SHROOM4: variants seen among roughly 807,000 people sequenced by gnomAD.
The protein encoded by SHROOM4 is protein Shroom4.
In SHROOM4, 17 loss-of-function variants were observed where a neutral mutation model predicts 80.3. That is an observed-to-expected ratio of 0.21 (90% confidence interval 0.14 to 0.32). SHROOM4 has a LOEUF of 0.32. Among genes scored for constraint, SHROOM4 ranks in the 10% least tolerant of loss-of-function variants. The pLI is 1.00. For missense variants in SHROOM4, 993 were observed against 1,140.3 expected (o/e 0.87, Z 1.86); for synonymous variants, 400 against 437.5 (o/e 0.91, Z 1.07).
At chrX:50,665,178 C>T (rs1233048205) in intron 2 of SHROOM4, among the ~76,000 whole-genome samples, 3 of 110,864 alleles carry the variant, frequency 2.7e-5, no homozygotes, top group Non-Finnish European at 5.7e-5. Flanking sequence ...AATGTCTTAA[C>T]GTTAGGAGCC....
At chrX:50,743,632 A>T (rs1934714280) in intron 1 of SHROOM4, among the ~76,000 whole-genome samples, 1 of 109,241 alleles carries the variant, frequency 9.2e-6, no homozygotes, top group South Asian at 4.1e-4. Context: ...TAATTTTAAA[A>T]TTTTTTGTAG....
At chrX:50,576,130 G>A in the SHROOM4 span, among the ~76,000 whole-genome samples, 2 of 111,598 alleles carry the variant, frequency 1.8e-5, no homozygotes, top group Non-Finnish European at 3.8e-5. Context: ...GGGCCATTGG[G>A]TGTCTCTAGG....
intron 1 of SHROOM4, among the ~76,000 whole-genome samples, chrX:50,769,044 C>T (rs1303148249): frequency 9.0e-6 from 1 of 110,970 alleles, no homozygotes; most frequent in Non-Finnish European, 1.9e-5. Context: ...TGAGCAGATC[C>T]GAAGGAAATG....
intron 1 of SHROOM4, among the ~76,000 whole-genome samples, chrX:50,812,808 C>CA (rs1557273575): frequency 8.9e-6 from 1 of 112,075 alleles, no homozygotes; most frequent in African/African-American, 3.2e-5. Flanking sequence ...TTTCTATCTC[C>CA]AGCCTGAACC....
downstream of SHROOM4, among the ~76,000 whole-genome samples, chrX:50,584,963 TAAGA>T (rs1346105057): frequency 9.0e-6 from 1 of 110,747 alleles, no homozygotes; most frequent in African/African-American, 3.3e-5. Flanking sequence ...TATGTATGAT[TAAGA>T]AAGAGAGTTG....
intron 1 of SHROOM4, among the ~76,000 whole-genome samples, chrX:50,787,484 C>CA (rs781881604): frequency 1.8e-5 from 2 of 110,574 alleles, no homozygotes; most frequent in East Asian, 5.7e-4. Flanking sequence ...GAAAGAGTTC[C>CA]AAAAAGCTTA....
At chrX:50,694,564 T>TTTA (rs1466977327) in intron 2 of SHROOM4, among the ~76,000 whole-genome samples, 1 of 93,937 alleles carries the variant, frequency 1.1e-5, no homozygotes, top group Non-Finnish European at 2.1e-5. Context: ...TTTTTTTTTT[T>TTTA]TTTTTTTGCT....
chrX:50,796,437 T>C (rs1936011985), intron 1 of SHROOM4, among the ~76,000 whole-genome samples: 1 of 110,616 alleles, frequency 9.0e-6, no homozygotes, highest in Non-Finnish European at 1.9e-5. Flanking sequence ...AGAGTGGAAA[T>C]GGTGGGAGGT....
chrX:50,613,496 A>T (rs1446067749), intron 5 of SHROOM4, among the ~76,000 whole-genome samples: 2 of 112,398 alleles, frequency 1.8e-5, no homozygotes, highest in African/African-American at 3.2e-5. Context: ...TATGGAAATC[A>T]TCTTTTCTAC....
At chrX:50,712,592 C>G (rs574276455) in intron 1 of SHROOM4, among the ~76,000 whole-genome samples, 2 of 111,407 alleles carry the variant, frequency 1.8e-5, no homozygotes, top group Middle Eastern at 9.3e-3. Flanking sequence ...AAAATAGAAA[C>G]TTTCTGAAAG....
intron 1 of SHROOM4, among the ~76,000 whole-genome samples, chrX:50,746,139 T>C (rs1433623121): frequency 8.9e-6 from 1 of 111,814 alleles, no homozygotes; most frequent in African/African-American, 3.3e-5. Flanking sequence ...AGTATACAAT[T>C]TGATTATCTT....
intron 1 of SHROOM4, among the ~76,000 whole-genome samples, chrX:50,802,148 A>G (rs1223175948): frequency 8.9e-6 from 1 of 112,091 alleles, no homozygotes; most frequent in African/African-American, 3.2e-5. Flanking sequence ...ATTGGAGGAG[A>G]TAGCAAGACA....
chrX:50,797,616 C>A (rs782802951), intron 1 of SHROOM4, among the ~76,000 whole-genome samples: 39 of 111,236 alleles, frequency 3.5e-4, no homozygotes, highest in Non-Finnish European at 6.4e-4. Flanking sequence ...ACCTTTTAAA[C>A]CACATAACTA....
chrX:50,660,534 C>A (rs1932462796), intron 2 of SHROOM4, among the ~76,000 whole-genome samples: 1 of 62,720 alleles, frequency 1.6e-5, no homozygotes, highest in Non-Finnish European at 3.1e-5. Context: ...CTCTCCCTCC[C>A]TCCCTCCCTC....
rs187087870 is a variant in SHROOM4 at position 50,587,182 on chromosome X, C to T, written c.*9513G>A. ...TTGTTTCACTTAGCATAATACCCTC[C>T]GGGTTCATCCATTTTGTCATAAATA... On this transcript the variant is annotated 3_prime_UTR_variant, in exon 9 of 9. Transcript: ENST00000376020. Among the ~76,000 whole-genome samples the T allele has an allele frequency of 3.6e-4, 40 of 111,797 alleles. No individual in the cohort carries two copies. Among genetic ancestry groups the T allele is most frequent in the African/African-American group, 9.7e-4 (30 of 30,802 alleles).
At chrX:50,752,551 C>T (rs192725765) in intron 1 of SHROOM4, among the ~76,000 whole-genome samples, 682 of 111,853 alleles carry the variant, frequency 6.1e-3, no homozygotes, top group Non-Finnish European at 8.9e-3. Context: ...AGAAACTTAC[C>T]TTCTACAAGG....
At chrX:50,636,215 AC>A (rs1931351404) in intron 3 of SHROOM4, among the ~76,000 whole-genome samples, 1 of 110,725 alleles carries the variant, frequency 9.0e-6, no homozygotes, top group African/African-American at 3.3e-5. Flanking sequence ...GAGAATTTGT[AC>A]TTCCAACAAC....
chrX:50,623,219 G>A (rs918642888), intron 5 of SHROOM4, among the ~76,000 whole-genome samples: 8 of 110,107 alleles, frequency 7.3e-5, no homozygotes, highest in Middle Eastern at 4.6e-3. Flanking sequence ...ACAGAGTCTC[G>A]TTCTGTTGCC....
chrX:50,662,910 C>T (rs1932560607), intron 2 of SHROOM4, among the ~76,000 whole-genome samples: 1 of 110,398 alleles, frequency 9.1e-6, no homozygotes, highest in Admixed American at 9.7e-5. Flanking sequence ...AGAAGGCAGA[C>T]TGTAGTGAGG....
Sources: gnomAD v4.1 joint callset for allele counts (sites outside exome capture counted in the v4.1 genomes callset) on GRCh38, gnomAD v4.1.1 for gene constraint, MANE v1.5 for transcripts, NCBI Gene and HGNC (gene_info 2026-07-23, HGNC 2026-07-21) for gene names.